AGBL4: variants seen among roughly 807,000 people sequenced by gnomAD.
The protein encoded by AGBL4 is AGBL carboxypeptidase 4.
A neutral mutation model predicts 66.4 loss-of-function variants in AGBL4; 58 were observed. That is an observed-to-expected ratio of 0.87 (90% CI 0.71 to 1.09). The LOEUF (loss-of-function observed/expected upper bound fraction) is 1.09, where lower values mean the gene tolerates loss of function less well. AGBL4 is among the 50% of genes least tolerant of loss of function. AGBL4 has a pLI of 0.00. For synonymous variants in AGBL4, 234 were observed against 222.9 expected (o/e 1.05, Z -0.44); for missense variants, 579 against 631.0 (o/e 0.92, Z 0.88).
chr1:49,735,502 G>A (rs1649810941), intron 2 of AGBL4, among the ~76,000 whole-genome samples: 1 of 151,470 alleles, frequency 6.6e-6, no homozygotes, highest in East Asian at 1.9e-4. Context: ...TATTATCATT[G>A]TAATACCCAT....
chr1:50,023,757 A>C lies in AGBL4; in HGVS notation c.34+6T>G. ...AGCCTTCCCCAGATCGGCCGCCCCC[A>C]CAGACCTGCCTCAGGCGCCGACTGG... On this transcript the variant is annotated splice_donor_region_variant and intron_variant, in intron 1 of 13. Coordinates refer to ENST00000371839, the MANE Select transcript of AGBL4 (RefSeq NM_032785.4). 1.4e-5 allele frequency: 21 copies of C among 1,548,746 alleles called. No homozygotes were observed. The highest frequency in any genetic ancestry group is 1.8e-5 in the Non-Finnish European group (21 of 1,145,810).
intron 3 of AGBL4, among the ~76,000 whole-genome samples, chr1:49,540,388 G>A (rs1294188710): frequency 6.6e-6 from 1 of 152,056 alleles, no homozygotes; most frequent in Non-Finnish European, 1.5e-5. Context: ...CCTCTGTGAG[G>A]TAGCACCCTT....
intron 3 of AGBL4, among the ~76,000 whole-genome samples, chr1:49,692,065 T>C (rs1646898563): frequency 6.6e-6 from 1 of 152,048 alleles, no homozygotes; most frequent in Admixed American, 6.6e-5. Context: ...CCATGATTGT[T>C]TTTCGCCAGG....
intron 2 of AGBL4, among the ~76,000 whole-genome samples, chr1:49,699,308 C>A (rs1310504551): frequency 6.6e-6 from 1 of 151,992 alleles, no homozygotes; most frequent in Non-Finnish European, 1.5e-5. Flanking sequence ...TTGTGATGAG[C>A]ATTCTCTGTA....
At chr1:49,764,573 A>T (rs528081039) in intron 2 of AGBL4, among the ~76,000 whole-genome samples, 23 of 152,228 alleles carry the variant, frequency 1.5e-4, no homozygotes, top group Admixed American at 1.2e-3. Flanking sequence ...CAGGACGTCT[A>T]GGGGCCTGGG....
chr1:49,860,692 G>A (rs1200742975), intron 1 of AGBL4, among the ~76,000 whole-genome samples: 2 of 151,452 alleles, frequency 1.3e-5, no homozygotes, highest in African/African-American at 4.9e-5. Flanking sequence ...GACAGATGCT[G>A]TCTCAAAAAA....
rs576480508 is a variant in AGBL4 at position 49,983,931 on chromosome 1, G to T, written c.34+39832C>A. On this transcript the variant is annotated intron_variant, in intron 1 of 13. Transcript: ENST00000371839. ...TGAGTTCCCAGCCATGACGGGACAG[G>T]TCCAATGTGGCTTGTTATACTCTCC... Among the ~76,000 whole-genome samples, 16 of 152,262 alleles carry T rather than the reference G, an allele frequency of 1.1e-4. No homozygotes were observed. The East Asian group carries it at 3.1e-3, about 29-fold the overall frequency.
intron 3 of AGBL4, among the ~76,000 whole-genome samples, chr1:49,302,702 C>T (rs1417554386): frequency 7.3e-6 from 1 of 136,886 alleles, no homozygotes; most frequent in Non-Finnish European, 1.5e-5. Context: ...ATGTGCAGGA[C>T]ATGCAGGTTG....
intron 3 of AGBL4, among the ~76,000 whole-genome samples, chr1:49,660,387 A>G (rs1646245065): frequency 6.6e-6 from 1 of 152,230 alleles, no homozygotes; most frequent in Non-Finnish European, 1.5e-5. Flanking sequence ...AACGCAAATC[A>G]AAACCACAAT....
chr1:49,162,469 T>A (rs1049727342), intron 4 of AGBL4, among the ~76,000 whole-genome samples: 1 of 152,248 alleles, frequency 6.6e-6, no homozygotes, highest in South Asian at 2.1e-4. Context: ...AAATGTGTTA[T>A]ATTTGCTAAG....
In AGBL4 at chr1:48,871,472, C is replaced by T. The variant is rs111706903; in HGVS notation, c.595-4242G>A. ...CACATTTGGATGGAGGAGAATGCAT[C>T]CAAGTGTGCCTGTGTGGGATTCTAT... On this transcript the variant is annotated intron_variant, in intron 5 of 13. Coordinates refer to ENST00000371839, the MANE Select transcript of AGBL4 (RefSeq NM_032785.4). 6.3e-3 allele frequency among the ~76,000 whole-genome samples: 955 copies of T among 151,732 alleles called. 13 individuals are homozygous for T. Among genetic ancestry groups the T allele is most frequent in the African/African-American group, 0.017 (710 of 41,390 alleles).
intron 1 of AGBL4, among the ~76,000 whole-genome samples, chr1:49,939,375 A>C (rs1281205471): frequency 6.6e-6 from 1 of 152,214 alleles, no homozygotes; most frequent in Admixed American, 6.5e-5. Flanking sequence ...ATGGAACCAA[A>C]AACGAGCCCA....
chr1:48,654,045 A>C (rs1259773596), intron 7 of AGBL4, among the ~76,000 whole-genome samples: 1 of 152,194 alleles, frequency 6.6e-6, no homozygotes, highest in Non-Finnish European at 1.5e-5. Context: ...CCAGGACTCC[A>C]GGGATGATTG....
intron 6 of AGBL4, among the ~76,000 whole-genome samples, chr1:48,667,969 G>A (rs1056867246): frequency 1.3e-5 from 2 of 152,120 alleles, no homozygotes; most frequent in African/African-American, 4.8e-5. Context: ...ATGCTACTGG[G>A]AGGGGAATGT....
chr1:48,562,134 C>G lies in AGBL4; in HGVS notation c.1268-22396G>C, dbSNP rs191183458. 6.6e-3 allele frequency among the ~76,000 whole-genome samples: 1,007 copies of G among 152,288 alleles called. 12 individuals are homozygous for G. Among genetic ancestry groups the G allele is most frequent in the Non-Finnish European group, 7.3e-3 (500 of 68,028 alleles). ...TGGGCTTGGCTTCCTGAAGAATGTT[C>G]CTCTCAATCGTGAGTAAGATGTCAA... On this transcript the variant is annotated intron_variant, in intron 11 of 13. Coordinates refer to ENST00000371839, the MANE Select transcript of AGBL4 (RefSeq NM_032785.4).
intron 3 of AGBL4, among the ~76,000 whole-genome samples, chr1:49,361,303 C>G (rs1337494963): frequency 6.6e-6 from 1 of 152,170 alleles, no homozygotes; most frequent in East Asian, 1.9e-4. Context: ...ATCCTCATCT[C>G]TCATTCCTCT....
chr1:49,250,684 G>A (rs917187695), intron 3 of AGBL4, among the ~76,000 whole-genome samples: 9 of 151,930 alleles, frequency 5.9e-5, no homozygotes, highest in South Asian at 2.1e-4. Flanking sequence ...CCTCATGTCC[G>A]CCTGCCTTGG....
In AGBL4 at chr1:49,191,729, T is replaced by A. The variant is rs150612879; in HGVS notation, c.377+54041A>T. ...CACGTGGTACTTGTTTTTCTGTTCCTGCATTAATTTGCTTAGGAAAACGGC... is the reference window on the plus strand; with the variant it reads ...CACGTGGTACTTGTTTTTCTGTTCCAGCATTAATTTGCTTAGGAAAACGGC... On this transcript the variant is annotated intron_variant, in intron 4 of 13. Transcript: ENST00000371839. Among the ~76,000 whole-genome samples, 47 of 152,316 alleles carry A rather than the reference T, an allele frequency of 3.1e-4. 1 individual carries two copies. The East Asian group carries it at 7.1e-3, about 23-fold the overall frequency.
chr1:49,289,808 A>G (rs1485683697), intron 3 of AGBL4, among the ~76,000 whole-genome samples: 4 of 152,180 alleles, frequency 2.6e-5, no homozygotes, highest in African/African-American at 9.6e-5. Flanking sequence ...ATGAAGCTAA[A>G]CAAAACAACC....
Sources: gnomAD v4.1 joint callset for allele counts (sites outside exome capture counted in the v4.1 genomes callset) on GRCh38, gnomAD v4.1.1 for gene constraint, MANE v1.5 for transcripts, NCBI Gene and HGNC (gene_info 2026-07-23, HGNC 2026-07-21) for gene names.